COL20A1: variants seen among roughly 807,000 people sequenced by gnomAD.
COL20A1 encodes collagen alpha-1(XX) chain.
Under a neutral mutation model 152.9 loss-of-function variants are expected in COL20A1, and 164 were observed. The observed-to-expected ratio is 1.07, with a 90% CI of 0.94 to 1.22. The LOEUF is 1.22. Among genes scored for constraint, COL20A1 ranks in the 50% most tolerant of loss-of-function variants. COL20A1 has a pLI of 0.00. For synonymous variants in COL20A1, 864 were observed against 756.0 expected, an observed-to-expected ratio of 1.14 and a Z score of -2.34; for missense variants, 1,873 against 1,744.8, an observed-to-expected ratio of 1.07 and a Z score of -1.31.
intron 14 of COL20A1, 58 bp from the exon 15 acceptor site, chr20:63,312,362 C>T: frequency 6.8e-7 from 1 of 1,463,120 alleles, no homozygotes; most frequent in Non-Finnish European, 9.0e-7. Flanking sequence ...ATTCTCCACC[C>T]CAGCAAGGGC....
intron 1 of COL20A1, among the ~76,000 whole-genome samples, chr20:63,293,793 G>A (rs1380687943): frequency 6.6e-6 from 1 of 151,528 alleles, no homozygotes; most frequent in East Asian, 2.0e-4. Flanking sequence ...ATTTAAGCCG[G>A]TGGCTTTCCC....
chr20:63,329,595 A>G lies in COL20A1; in HGVS notation c.3792A>G (p.Gly1264=). The part of the protein sequence containing the change: ...GRHLEGRGEP[G]AVGQMGSPGQ... Reference sequence around the variant, plus strand: ...TCCCTTTCCTCGCAGGGGAGCCTGGAGCTGTTGGTCAGATGGGCAGCCCTG... The same window carrying G: ...TCCCTTTCCTCGCAGGGGAGCCTGGGGCTGTTGGTCAGATGGGCAGCCCTG... The change falls in exon 35 of 36, where the codon GGA becomes GGG. Residue 1264 remains glycine (G), a synonymous_variant. Transcript: ENST00000358894. 1 of 1,609,472 alleles carries G rather than the reference A, an allele frequency of 6.2e-7. No individual in the cohort carries two copies. Among genetic ancestry groups the G allele is most frequent in the South Asian group, 1.1e-5 (1 of 90,504 alleles).
rs1051497559 is a variant in COL20A1 at position 63,313,517 on chromosome 20, C to T, written c.2210-226C>T. Among the ~76,000 whole-genome samples the T allele has an allele frequency of 6.6e-6, 1 of 152,076 alleles. No individual in the cohort carries two copies. Among genetic ancestry groups the T allele is most frequent in the Non-Finnish European group, 1.5e-5 (1 of 67,992 alleles). ...GCCCTGGTTGGGGGTATGGTGAGGG[C>T]CCTGGCAGGTGGCGTGGTGTGGGTG... On this transcript the variant is annotated intron_variant, in intron 17 of 35. Coordinates refer to ENST00000358894, the MANE Select transcript of COL20A1 (RefSeq NM_020882.4). This position sits in a 1 kb window ranked among gnomAD's most constrained non-coding sequence, Gnocchi z 5.9.
chr20:63,320,483 T>G, intron 25 of COL20A1, 115 bp downstream of exon 25: 1 of 1,049,890 alleles, frequency 9.5e-7, no homozygotes, highest in Non-Finnish European at 1.4e-6. Context: ...CTGGGAGAGA[T>G]CAGGGAAGGC....
At chr20:63,324,473 G>A (rs979593659) in intron 27 of COL20A1, 1 of 152,170 alleles carries the variant, frequency 6.6e-6, no homozygotes, top group Non-Finnish European at 1.5e-5. Flanking sequence ...TTTGTCATGT[G>A]GTAGTGAAGT....
In COL20A1 at chr20:63,311,802, C is replaced by T; in HGVS notation, c.1663+54C>T. On this transcript the variant is annotated intron_variant, in intron 13 of 35. Transcript: ENST00000358894. This position sits in a 1 kb window ranked among gnomAD's most constrained non-coding sequence, Gnocchi z 4.4. ...CACAGGCGGGTGCCCCATCTTGTTC[C>T]TCAGCCTTCCATGGCATGGGAGACC... 1.3e-6 allele frequency: 2 copies of T among 1,545,576 alleles called. No homozygotes were observed. Among genetic ancestry groups the T allele is most frequent in the Admixed American group, 1.9e-5 (1 of 52,788 alleles).
intron 27 of COL20A1, among the ~76,000 whole-genome samples, chr20:63,323,101 C>A (rs57333838): frequency 0.023 from 3,467 of 152,356 alleles, 102 homozygotes; most frequent in African/African-American, 0.061. Context: ...CTTTGGGAGC[C>A]GCGTCTGATA....
At position 63,332,700 on chromosome 20, in the gene COL20A1, C is replaced by T. The variant is rs905661823; in HGVS notation, c.*1984C>T. On this transcript the variant is annotated 3_prime_UTR_variant, in exon 36 of 36. Transcript: ENST00000358894. ...CTACCCCCGCCACGCTGGTGTGACA[C>T]CAGTGATGCTCAGCCTCAAAAGGGG... is the stretch of plus-strand genomic sequence containing the variant. 2 of 152,316 alleles carry T rather than the reference C, an allele frequency of 1.3e-5. No individual in the cohort carries two copies. Among genetic ancestry groups the T allele is most frequent in the Non-Finnish European group, 2.9e-5 (2 of 68,078 alleles). 9.4% of individuals were successfully genotyped at this position (152,316 alleles called of 1,614,324 possible). A position where few individuals can be genotyped will look rare whatever the true frequency, so the allele number is the denominator to read the frequency against.
rs375390804 is a variant in COL20A1, at chr20:63,313,171, A to G, written c.2131A>G (p.Thr711Ala). 1.9e-6 allele frequency: 3 copies of G among 1,612,324 alleles called. No homozygotes were observed. Among genetic ancestry groups the G allele is most frequent in the African/African-American group, 1.3e-5 (1 of 74,900 alleles). The change falls in exon 17 of 36, where the codon ACA (threonine) becomes GCA (alanine). Residue 711 changes from threonine to alanine, a missense_variant. Physicochemically the swap from Thr to Ala is moderately conservative, Grantham distance 58. Transcript: ENST00000358894. The surrounding 1 kb of genome is among the most constrained non-coding windows in gnomAD (Gnocchi z 5.9). Reference protein sequence around the residue: ...TAVLPGLGRHTEYDVTILAYY... With the variant: ...TAVLPGLGRHAEYDVTILAYY... The stretch of plus-strand genomic sequence containing the variant: ...CGTCCTGCCTGGCCTAGGGAGGCAC[A>G]CAGAGTACGACGTCACCATCTTGGC...
chr20:63,312,807 C>T lies in COL20A1; in HGVS notation c.1949C>T (p.Pro650Leu). The change falls in exon 16 of 36, where the codon CCA (proline) becomes CTA (leucine). Residue 650 changes from proline (P) to leucine (L), a missense_variant. Pro to Leu is a moderately conservative substitution (Grantham distance 98, BLOSUM62 -3). Transcript: ENST00000358894. Reference protein sequence around the residue: ...GRVTTKKAPSPSQLSMTELPG... With the variant: ...GRVTTKKAPSLSQLSMTELPG... The stretch of plus-strand genomic sequence containing the variant: ...CTTCCTTCAGAGAAAGCTCCCAGCC[C>T]AAGCCAGCTGTCCATGACGGAGCTG... 1 of 1,552,120 alleles carries T rather than the reference C, an allele frequency of 6.4e-7. No individual in the cohort carries two copies. Among genetic ancestry groups the T allele is most frequent in the Non-Finnish European group, 8.7e-7 (1 of 1,144,210 alleles).
rs978255028 is a variant in COL20A1, at chr20:63,305,731, G to A, written c.338-150G>A. Reference sequence around the variant, plus strand: ...GGTTCAAGTCCCGACTCACCAGCAAGGCTGCCTTGCCCCTGACATCTTTGC... The same window carrying A: ...GGTTCAAGTCCCGACTCACCAGCAAAGCTGCCTTGCCCCTGACATCTTTGC... On this transcript the variant is annotated intron_variant, in intron 4 of 35. Transcript: ENST00000358894. This position sits in a 1 kb window ranked among gnomAD's most constrained non-coding sequence, Gnocchi z 4.9. The A allele has an allele frequency of 8.4e-6, 9 of 1,071,678 alleles. No homozygotes were observed. The East Asian group carries it at 1.0e-4, about 12-fold the overall frequency. 66.4% of individuals were successfully genotyped at this position (1,071,678 alleles called of 1,614,324 possible). A position where few individuals can be genotyped will look rare whatever the true frequency, so the allele number is the denominator to read the frequency against.
intron 26 of COL20A1, 134 bp from the exon 27 acceptor site, chr20:63,321,924 C>T: frequency 1.6e-6 from 1 of 616,806 alleles, no homozygotes. Flanking sequence ...TTCCCCTTGA[C>T]AGCAGTGGAC....
chr20:63,325,752 A>AG, intron 29 of COL20A1, 31 bp downstream of exon 29: 1 of 1,599,700 alleles, frequency 6.3e-7, no homozygotes, highest in South Asian at 1.1e-5. Context: ...GGGTTCTGTC[A>AG]GGGTGGTAGA....
chr20:63,318,379 C>T (rs796460562), intron 21 of COL20A1, among the ~76,000 whole-genome samples: 8 of 115,972 alleles, frequency 6.9e-5, no homozygotes, highest in African/African-American at 2.0e-4. Context: ...GCCATTGGGA[C>T]CCCAATTCTA....
Position 63,313,580 on chromosome 20 carries a change from G to A in COL20A1, c.2210-163G>A, listed in dbSNP as rs2068045198. Reference sequence around the variant, plus strand: ...GTGTGGGCAGTGGCAGGGGTGTGGTGTGGTTGTGCCAGGGGGGTGATGCGG... The same window carrying A: ...GTGTGGGCAGTGGCAGGGGTGTGGTATGGTTGTGCCAGGGGGGTGATGCGG... On this transcript the variant is annotated intron_variant, in intron 17 of 35. Coordinates refer to ENST00000358894, the MANE Select transcript of COL20A1 (RefSeq NM_020882.4). This position sits in a 1 kb window ranked among gnomAD's most constrained non-coding sequence, Gnocchi z 5.9. 6.6e-6 allele frequency among the ~76,000 whole-genome samples: 1 copy of A among 152,112 alleles called. No individual in the cohort carries two copies. The highest frequency in any genetic ancestry group is 1.5e-5 in the Non-Finnish European group (1 of 68,010).
chr20:63,313,013 C>T lies in COL20A1; in HGVS notation c.2076+79C>T. ...TGAAGCCAAAGTCTAGGGCTCAGAG[C>T]CATATGTGCGCCCACCCTGTCTCCC... On this transcript the variant is annotated intron_variant, in intron 16 of 35. Coordinates refer to ENST00000358894, the MANE Select transcript of COL20A1 (RefSeq NM_020882.4). The surrounding 1 kb of genome is among the most constrained non-coding windows in gnomAD (Gnocchi z 5.9). The T allele has an allele frequency of 1.3e-6, 2 of 1,536,582 alleles. No homozygotes were observed. The highest frequency in any genetic ancestry group is 2.0e-5 in the Admixed American group (1 of 50,846).
intron 26 of COL20A1, 42 bp from the exon 27 acceptor site, chr20:63,322,016 T>G: frequency 6.7e-7 from 1 of 1,489,568 alleles, no homozygotes. Context: ...TCTACCTTGG[T>G]TGGGTAGTTC....
intron 25 of COL20A1, 78 bp from the exon 26 acceptor site, chr20:63,320,935 T>C (rs929898444): frequency 2.7e-6 from 3 of 1,129,204 alleles, no homozygotes; most frequent in African/African-American, 3.2e-5. Context: ...CCAGGTGTCA[T>C]TGGCTAATCT....
chr20:63,324,378 T>C (rs912961906), intron 27 of COL20A1: 1 of 152,262 alleles, frequency 6.6e-6, no homozygotes, highest in Non-Finnish European at 1.5e-5. Flanking sequence ...CAGTAGCAGA[T>C]ACTCTCATTT....
Sources: gnomAD v4.1 joint callset for allele counts (sites outside exome capture counted in the v4.1 genomes callset) on GRCh38, gnomAD v4.1.1 for gene constraint, Gnocchi (gnomAD v3.1) non-coding constraint, MANE v1.5 for transcripts, NCBI Gene and HGNC (gene_info 2026-07-23, HGNC 2026-07-21) for gene names.